The following ANK1 variants were observed in gnomAD, a reference collection of about 807,000 sequenced individuals.
ANK1 encodes the protein ankyrin 1, also known as ankyrin-1.
A neutral mutation model predicts 210.4 loss-of-function variants in ANK1; 51 were observed. The observed-to-expected ratio is 0.24, with a 90% CI of 0.19 to 0.31. The LOEUF is 0.31. Ranked by LOEUF, ANK1 falls within the 10% of genes least tolerant of loss-of-function variation. The pLI is 1.00. For synonymous variants in ANK1, 967 were observed against 1,025.9 expected (o/e 0.94, Z 1.10); for missense variants, 2,051 against 2,504.4 (o/e 0.82, Z 3.86).
chr8:41,773,258 G>A (rs550657317), intron 1 of ANK1, among the ~76,000 whole-genome samples: 8 of 152,226 alleles, frequency 5.3e-5, no homozygotes, highest in East Asian at 1.9e-4. Flanking sequence ...ATCAGAGCCC[G>A]GATCAGGCCC....
chr8:41,818,886 G>A (rs968380471), intron 1 of ANK1, among the ~76,000 whole-genome samples: 3 of 152,124 alleles, frequency 2.0e-5, no homozygotes, highest in East Asian at 3.9e-4. Context: ...CCTAAGACAC[G>A]CCCACAGCTG....
chr8:41,679,558 CTTTTTTTTT>C (rs869249907), intron 37 of ANK1, among the ~76,000 whole-genome samples: 2 of 90,242 alleles, frequency 2.2e-5, no homozygotes, highest in African/African-American at 4.3e-5. Flanking sequence ...CCTGGACTTT[CTTTTTTTTT>C]TTTTTTTTTT....
Position 41,704,328 on chromosome 8 carries a change from ATGGAGAAGGGTCAGTGCAGGAGTCGGGGC to A in ANK1, c.2196+17_2196+45del. The A allele has an allele frequency of 6.4e-7, 1 of 1,565,512 alleles. No individual in the cohort carries two copies. Among genetic ancestry groups the A allele is most frequent in the Non-Finnish European group, 8.8e-7 (1 of 1,136,218 alleles). ...AGCTCTGGCTTTACCCTGATGTGGC[ATGGAGAAGGGTCAGTGCAGGAGTCGGGGC>A]TGGGGCACCCCTGTACCTTGGTCTT... On this transcript the variant is annotated intron_variant, in intron 19 of 42. Transcript: ENST00000289734. The surrounding 1 kb of genome is among the most constrained non-coding windows in gnomAD (Gnocchi z 4.1).
In ANK1 at chr8:41,725,964, ATGCTT is replaced by A; in HGVS notation, c.427-23_427-19del. On this transcript the variant is annotated intron_variant, in intron 5 of 42. Transcript: ENST00000289734. ...AAGCCGTCCTGGCCAGAGGAGGAAA[ATGCTT>A]TGCTCTGACTCGTCTGACGCCAGCC... The A allele has an allele frequency of 6.2e-7, 1 of 1,611,746 alleles. No individual in the cohort carries two copies.
chr8:41,872,965 C>T (rs994118936), intron 1 of ANK1, among the ~76,000 whole-genome samples: 2 of 152,198 alleles, frequency 1.3e-5, no homozygotes, highest in Non-Finnish European at 2.9e-5. Context: ...TTTATAAAAA[C>T]ACAATATTAA....
At chr8:41,853,164 T>C (rs1811572683) in intron 1 of ANK1, among the ~76,000 whole-genome samples, 1 of 152,208 alleles carries the variant, frequency 6.6e-6, no homozygotes, top group Admixed American at 6.5e-5. Flanking sequence ...TCATTTGACA[T>C]TCAACTTTCC....
chr8:41,796,337 G>A (rs1474036793), intron 1 of ANK1, among the ~76,000 whole-genome samples: 1 of 152,014 alleles, frequency 6.6e-6, no homozygotes, highest in East Asian at 1.9e-4. Flanking sequence ...GTTTGAGTCT[G>A]AAGACAGTTC....
At chr8:41,798,944 G>A (rs138176980), upstream of ANK1, among the ~76,000 whole-genome samples, 3 of 150,678 alleles carry the variant, frequency 2.0e-5, no homozygotes, top group Middle Eastern at 3.4e-3. Flanking sequence ...CAGCTGCTGC[G>A]GAAAGATGCC....
At chr8:41,702,308 C>T (rs1823061834) in intron 20 of ANK1, among the ~76,000 whole-genome samples, 164 bp from the exon 21 acceptor site, 1 of 152,124 alleles carries the variant, frequency 6.6e-6, no homozygotes, top group Non-Finnish European at 1.5e-5. Flanking sequence ...CGTGTGTGTG[C>T]CTAGATGTGT....
At chr8:41,739,521 C>CTTTTTTTTTTTTTTTTT (rs71239075) in intron 2 of ANK1, among the ~76,000 whole-genome samples, 1 of 116,126 alleles carries the variant, frequency 8.6e-6, no homozygotes, top group Non-Finnish European at 1.8e-5. Context: ...TTTTTTCTTT[C>CTTTTTTTTTTTTTTTTT]TTTTTTTTTT....
At chr8:41,798,349 G>T (rs1201046194), upstream of ANK1, among the ~76,000 whole-genome samples, 1 of 152,160 alleles carries the variant, frequency 6.6e-6, no homozygotes, top group African/African-American at 2.4e-5. Flanking sequence ...TAACACCAGG[G>T]CCAAAAATAA....
chr8:41,803,027 AAGAAAGAAAGAAAG>A (rs1345240126), intron 1 of ANK1, among the ~76,000 whole-genome samples: 149 of 100,776 alleles, frequency 1.5e-3, no homozygotes, highest in Non-Finnish European at 2.3e-3. Context: ...GAAAGAAAGA[AAGAAAGAAAGAAAG>A]AGAAAGAAAG....
At chr8:41,715,622 T>G (rs760873814) in intron 14 of ANK1, 30 bp downstream of exon 14, 1 of 1,611,568 alleles carries the variant, frequency 6.2e-7, no homozygotes, top group Admixed American at 1.7e-5. Context: ...AGCCTGTTGC[T>G]TCCTTAGACC....
intron 1 of ANK1, among the ~76,000 whole-genome samples, chr8:41,862,762 C>T (rs960345491): frequency 2.0e-5 from 3 of 151,800 alleles, no homozygotes; most frequent in Admixed American, 2.0e-4. Flanking sequence ...GTAATCCCAG[C>T]ACTTTGAGAG....
intron 7 of ANK1, among the ~76,000 whole-genome samples, chr8:41,724,103 C>T (rs1292850485): frequency 6.6e-6 from 1 of 152,110 alleles, no homozygotes; most frequent in Non-Finnish European, 1.5e-5. Flanking sequence ...CATTTTAAAA[C>T]CTGAAAGGAC....
At chr8:41,831,680 GA>G (rs1383899378) in intron 1 of ANK1, among the ~76,000 whole-genome samples, 1 of 151,136 alleles carries the variant, frequency 6.6e-6, no homozygotes, top group African/African-American at 2.4e-5. Flanking sequence ...AAAAAGGAAT[GA>G]AAGGAAAGAA....
intron 1 of ANK1, among the ~76,000 whole-genome samples, chr8:41,846,030 A>C (rs1324437973): frequency 1.3e-5 from 2 of 152,222 alleles, no homozygotes; most frequent in African/African-American, 4.8e-5. Flanking sequence ...GAAGCTGATA[A>C]TTCTTGAGCT....
At chr8:41,834,664 A>C (rs1807287482) in intron 1 of ANK1, among the ~76,000 whole-genome samples, 1 of 152,180 alleles carries the variant, frequency 6.6e-6, no homozygotes, top group Non-Finnish European at 1.5e-5. Flanking sequence ...TGAGATCCTG[A>C]AGGCTTCGAA....
chr8:41,758,276 A>C (rs907728006), intron 1 of ANK1, 139 bp from the exon 2 acceptor site: 14 of 794,476 alleles, frequency 1.8e-5, no homozygotes, highest in Admixed American at 7.1e-5. Flanking sequence ...CCAGGTGTGC[A>C]CAGGAGCCTG....
Sources: allele counts gnomAD v4.1 joint callset (sites outside exome capture counted in the v4.1 genomes callset), GRCh38; gene constraint gnomAD v4.1.1; non-coding constraint Gnocchi (gnomAD v3.1); transcripts MANE v1.5; gene names NCBI Gene and HGNC (gene_info 2026-07-23, HGNC 2026-07-21).